UBXN11: variants seen among roughly 807,000 people sequenced by gnomAD.
UBXN11 encodes UBX domain protein 11.
In UBXN11, 47 loss-of-function variants were observed where a neutral mutation model predicts 62.8. The ratio of observed to expected loss-of-function variants is 0.75; its 90% CI spans 0.59 to 0.95. The LOEUF (loss-of-function observed/expected upper bound fraction) is 0.95. Among genes scored for constraint, UBXN11 ranks in the 40% least tolerant of loss-of-function variants. The pLI is 0.00. For missense variants in UBXN11, 638 were observed against 661.7 expected, an observed-to-expected ratio of 0.96 and a Z score of 0.39; for synonymous variants, 294 against 267.0, an observed-to-expected ratio of 1.10 and a Z score of -0.99.
rs1430786532 is a variant in UBXN11, at chr1:26,311,730, C to T, written c.-148-5026G>A. 8.5e-5 allele frequency among the ~76,000 whole-genome samples: 13 copies of T among 152,296 alleles called. 1 individual carries two copies. Among genetic ancestry groups the T allele is most frequent in the Non-Finnish European group, 1.6e-4 (11 of 68,020 alleles). The stretch of plus-strand genomic sequence containing the variant: ...TGTTGGGATTACAGGCATGACCCAC[C>T]GCACCCAGCCACAAGTCTATTCTTG... On this transcript the variant is annotated intron_variant, in intron 1 of 14. Transcript: ENST00000374217.
chr1:26,285,406 G>A (rs1310073036), intron 10 of UBXN11, 58 bp downstream of exon 10: 2 of 1,581,884 alleles, frequency 1.3e-6, no homozygotes, highest in Non-Finnish European at 1.7e-6. Context: ...TGGGGAGGCT[G>A]TGTATCCCCA....
chr1:26,302,239 T>C (rs945020128), intron 2 of UBXN11, among the ~76,000 whole-genome samples: 2 of 151,970 alleles, frequency 1.3e-5, no homozygotes, highest in African/African-American at 4.8e-5. Context: ...AGCATGCGCC[T>C]GTAGTCCCAG....
At chr1:26,308,058 G>A (rs1170700574), upstream of UBXN11, among the ~76,000 whole-genome samples, 1 of 152,058 alleles carries the variant, frequency 6.6e-6, no homozygotes, top group Admixed American at 6.6e-5. Flanking sequence ...TCTGAAGTCG[G>A]GAGTTCGAGA....
At chr1:26,290,565 G>C (rs75401845) in intron 8 of UBXN11, among the ~76,000 whole-genome samples, 2,649 of 152,262 alleles carry the variant, frequency 0.017, 82 homozygotes, top group African/African-American at 0.06. Flanking sequence ...AGTGCAGGTG[G>C]GGAGGGGTCA....
rs554647781 is a variant in UBXN11, at chr1:26,285,814, C to CG, written c.774+8dup. The CG allele has an allele frequency of 7.0e-4, 1,106 of 1,586,896 alleles. 13 individuals carry two copies. The East Asian group carries it at 0.024, about 34-fold the overall frequency. On this transcript the variant is annotated intron_variant, in intron 9 of 14. Coordinates refer to ENST00000374222, the MANE Select transcript of UBXN11 (RefSeq NM_001389556.1). ...ACTAGAGCACCACCCCCCCCAACAC[C>CG]GCTCCTACCTGTGTGGAGGGATCGT...
chr1:26,307,700 A>C (rs1394558515), upstream of UBXN11, among the ~76,000 whole-genome samples: 1 of 145,568 alleles, frequency 6.9e-6, no homozygotes. Context: ...GGCTCTGCTC[A>C]CTGCAACATC....
intron 4 of UBXN11, 41 bp from the exon 5 acceptor site, chr1:26,298,103 C>T (rs760610361): frequency 6.3e-6 from 10 of 1,590,478 alleles, no homozygotes; most frequent in Middle Eastern, 1.7e-4. Flanking sequence ...GACCTAGAGC[C>T]GAGGCTGAGT....
intron 1 of UBXN11, among the ~76,000 whole-genome samples, chr1:26,317,788 T>C (rs891932175): frequency 6.6e-6 from 1 of 152,072 alleles, no homozygotes; most frequent in Non-Finnish European, 1.5e-5. Context: ...CGATCTAGCC[T>C]GCTCCCCCAG....
At chr1:26,318,132 G>T in exon 1 of UBXN11, 1 of 1,412,090 alleles carries the variant, frequency 7.1e-7, no homozygotes, top group South Asian at 1.1e-5. Context: ...ATGGAGGGAG[G>T]GCATACAGGA....
intron 7 of UBXN11, among the ~76,000 whole-genome samples, chr1:26,295,258 C>A (rs1265442369): frequency 1.3e-5 from 2 of 152,028 alleles, no homozygotes. Flanking sequence ...TGTGGTGCCC[C>A]CTCCAATGCA....
rs555347725 is a variant in UBXN11 at position 26,314,533 on chromosome 1, C to T, written c.-149+3514G>A. Among the ~76,000 whole-genome samples, 48 of 152,316 alleles carry T rather than the reference C, an allele frequency of 3.2e-4. 1 individual carries two copies. The South Asian group carries it at 9.9e-3, about 32-fold the overall frequency. On this transcript the variant is annotated intron_variant, in intron 1 of 14. Coordinates refer to the UBXN11 transcript ENST00000374217. ...TTTCTTTTCTGCATTGGTAACTTTT[C>T]AGTACTGACTTTACTGTTGCCCCAT...
intron 8 of UBXN11, 142 bp downstream of exon 8, chr1:26,294,063 A>T: frequency 7.7e-7 from 1 of 1,307,072 alleles, no homozygotes; most frequent in Non-Finnish European, 1.0e-6. Context: ...ACATTGTCTC[A>T]GGGGCAAGTT....
upstream of UBXN11, among the ~76,000 whole-genome samples, chr1:26,311,200 C>T (rs906180804): frequency 1.1e-4 from 16 of 149,094 alleles, no homozygotes; most frequent in African/African-American, 4.0e-4. Flanking sequence ...AGTGCAGTGA[C>T]GTGATCTCAG....
At chr1:26,302,701 T>C in intron 2 of UBXN11, 112 bp downstream of exon 2, 1 of 1,167,910 alleles carries the variant, frequency 8.6e-7, no homozygotes, top group Non-Finnish European at 1.2e-6. Context: ...GAAGGCTATG[T>C]GGCCCTTCTT....
chr1:26,304,018 A>C (rs181565465), intron 1 of UBXN11, among the ~76,000 whole-genome samples: 7 of 152,222 alleles, frequency 4.6e-5, no homozygotes, highest in African/African-American at 1.4e-4. Flanking sequence ...CGACCTCCCA[A>C]AGTGCTGGGA....
intron 10 of UBXN11, chr1:26,284,868 G>A (rs918983500): frequency 1.7e-5 from 17 of 1,016,058 alleles, no homozygotes; most frequent in Admixed American, 1.1e-4. Context: ...GCATAGCTCC[G>A]AGGTCCCCGC....
chr1:26,304,762 T>C (rs2073622853), intron 1 of UBXN11, among the ~76,000 whole-genome samples: 1 of 151,744 alleles, frequency 6.6e-6, no homozygotes, highest in Non-Finnish European at 1.5e-5. Flanking sequence ...CAAAAAAAAA[T>C]TCATAATTCC....
At chr1:26,313,820 G>A (rs1335273191) in intron 1 of UBXN11, among the ~76,000 whole-genome samples, 16 of 132,680 alleles carry the variant, frequency 1.2e-4, no homozygotes, top group East Asian at 6.3e-4. Context: ...TTGCTCCATC[G>A]CCCAGGCTGG....
intron 8 of UBXN11, 128 bp from the exon 9 acceptor site, chr1:26,286,165 A>C (rs1381643919): frequency 1.0e-5 from 8 of 766,160 alleles, no homozygotes; most frequent in Middle Eastern, 3.7e-4. Context: ...GCCTGGGGAA[A>C]AGGACAACGC....
Sources: gnomAD v4.1 joint callset for allele counts (sites outside exome capture counted in the v4.1 genomes callset) on GRCh38, gnomAD v4.1.1 for gene constraint, MANE v1.5 for transcripts, NCBI Gene and HGNC (gene_info 2026-07-23, HGNC 2026-07-21) for gene names.